The following MAP4K4 variants were observed in gnomAD, a reference collection of about 807,000 sequenced individuals.
The protein encoded by MAP4K4 is HPK/GCK-like kinase HGK.
MAP4K4 carries 38 observed loss-of-function variants against 189.6 expected under a neutral mutation model. The observed-to-expected ratio is 0.20, with a 90% confidence interval of 0.15 to 0.26. The LOEUF is 0.26. Ranked by LOEUF, MAP4K4 falls within the 10% of genes least tolerant of loss-of-function variation. The pLI, the probability that MAP4K4 is intolerant of heterozygous loss-of-function variation, is 1.00. For synonymous variants in MAP4K4, 610 were observed against 624.3 expected (o/e 0.98, Z 0.34); for missense variants, 1,054 against 1,726.9 (o/e 0.61, Z 6.91).
intron 7 of MAP4K4, 127 bp downstream of exon 7, chr2:101,831,978 A>C: frequency 8.9e-7 from 1 of 1,120,544 alleles, no homozygotes; most frequent in Non-Finnish European, 1.3e-6. Flanking sequence ...TCAGTGAGGA[A>C]AATTGCAGGT....
At chr2:101,838,296 T>C (rs535493033) in intron 9 of MAP4K4, among the ~76,000 whole-genome samples, 2 of 152,242 alleles carry the variant, frequency 1.3e-5, no homozygotes, top group Non-Finnish European at 2.9e-5. Flanking sequence ...TTTGTGGACA[T>C]TGGGTCTTAG....
intron 2 of MAP4K4, among the ~76,000 whole-genome samples, chr2:101,740,257 T>C (rs914627017): frequency 5.8e-5 from 6 of 102,588 alleles, no homozygotes; most frequent in East Asian, 4.8e-4. Flanking sequence ...GGGTTCACGC[T>C]ATTCTCCTGC....
intron 2 of MAP4K4, among the ~76,000 whole-genome samples, chr2:101,755,942 T>G (rs961299884): frequency 7.6e-6 from 1 of 130,764 alleles, no homozygotes; most frequent in Admixed American, 7.7e-5. Flanking sequence ...TTTTTTTTTT[T>G]TTTTTTTTTT....
At chr2:101,774,905 T>C (rs1016242663) in intron 2 of MAP4K4, among the ~76,000 whole-genome samples, 1 of 152,058 alleles carries the variant, frequency 6.6e-6, no homozygotes, top group Non-Finnish European at 1.5e-5. Flanking sequence ...CCCGAAGGAC[T>C]TCTCCAGAGG....
Position 101,843,993 on chromosome 2 carries a change from G to A in MAP4K4, c.1023-108G>A, listed in dbSNP as rs2097008349. 3 of 701,894 alleles carry A rather than the reference G, an allele frequency of 4.3e-6. No individual in the cohort carries two copies. The South Asian group carries it at 5.5e-5, about 13-fold the overall frequency. The allele number at this position is 701,894 out of a possible 1,614,324, so 43.5% of individuals were successfully genotyped here. On this transcript the variant is annotated intron_variant, in intron 11 of 32. Transcript: ENST00000324219. ...ATTAGTTGTCTCCCTGGAGTCAGAG[G>A]AACTCAGAGAATGAATGTAGAAATG...
intron 2 of MAP4K4, among the ~76,000 whole-genome samples, chr2:101,742,000 A>C (rs1001785521): frequency 6.6e-6 from 1 of 152,028 alleles, no homozygotes; most frequent in Non-Finnish European, 1.5e-5. Context: ...TGGTTTAGTG[A>C]GGGGTCTAAG....
chr2:101,842,086 G>T (rs1028049875), intron 10 of MAP4K4, among the ~76,000 whole-genome samples: 2 of 152,098 alleles, frequency 1.3e-5, no homozygotes, highest in African/African-American at 2.4e-5. Flanking sequence ...TTGTTTGTGG[G>T]TACATTTGGC....
At chr2:101,822,251 G>T (rs1281766670) in intron 3 of MAP4K4, among the ~76,000 whole-genome samples, 3 of 152,128 alleles carry the variant, frequency 2.0e-5, no homozygotes, top group Non-Finnish European at 4.4e-5. Flanking sequence ...TGGCTGTGCG[G>T]CAGGTTAGTT....
Position 101,887,107 on chromosome 2 carries a change from A to C in MAP4K4, c.3641A>C (p.His1214Pro). ...TTGCAGTCATTTGGAGAATTGGTAC[A>C]TAAGCCATTACTGGTGGATCTCACT... The change falls in exon 30 of 33, where the codon CAT becomes CCT. Residue 1214 changes from histidine (H) to proline (P), a missense_variant. Coordinates refer to ENST00000324219, the Ensembl canonical transcript of MAP4K4. 1.9e-6 allele frequency: 3 copies of C among 1,592,724 alleles called. No homozygotes were observed. Among genetic ancestry groups the C allele is most frequent in the Non-Finnish European group, 2.6e-6 (3 of 1,169,550 alleles).
intron 2 of MAP4K4, among the ~76,000 whole-genome samples, chr2:101,763,962 CTG>C (rs1201857541): frequency 1.3e-5 from 2 of 151,784 alleles, no homozygotes; most frequent in African/African-American, 4.8e-5. Context: ...TGCAGTGTGG[CTG>C]TATGATTTTG....
At chr2:101,704,772 C>T (rs1377408574) in intron 2 of MAP4K4, among the ~76,000 whole-genome samples, 2 of 151,136 alleles carry the variant, frequency 1.3e-5, no homozygotes, top group East Asian at 1.9e-4. Context: ...ATTGGCCAGG[C>T]TGGTCTCGAA....
chr2:101,814,961 C>G (rs548701065), intron 3 of MAP4K4, among the ~76,000 whole-genome samples: 1 of 152,308 alleles, frequency 6.6e-6, no homozygotes, highest in Admixed American at 6.5e-5. Context: ...AGTCACTGAG[C>G]TGTGTAAATA....
intron 25 of MAP4K4, 34 bp downstream of exon 25, chr2:101,873,798 A>G (rs1347773986): frequency 6.9e-6 from 10 of 1,446,046 alleles, no homozygotes; most frequent in Non-Finnish European, 9.7e-6. Context: ...GCAGCTGACA[A>G]ATGGGACTTT....
Position 101,871,577 on chromosome 2 carries a change from GC to G in MAP4K4, c.2845del (p.Gln949LysfsTer57). 6.5e-7 allele frequency: 1 copy of G among 1,536,280 alleles called. No homozygotes were observed. The highest frequency in any genetic ancestry group is 8.7e-7 in the Non-Finnish European group (1 of 1,146,908). On this transcript the variant is annotated frameshift_variant, in exon 24 of 33. Coordinates refer to ENST00000324219, the Ensembl canonical transcript of MAP4K4. LOFTEE classifies it high-confidence loss of function. ...TTCACCTCTTGCCAGATCTCTTACA[GC>G]AAAGCCATTCCTCCTCCACTTCCTC...
intron 13 of MAP4K4, among the ~76,000 whole-genome samples, chr2:101,857,657 C>G (rs1229868312): frequency 1.3e-5 from 2 of 152,154 alleles, no homozygotes; most frequent in Non-Finnish European, 2.9e-5. Context: ...GACGTAGATC[C>G]CAGGTCAGAA....
At chr2:101,739,719 A>C (rs1050388638) in intron 2 of MAP4K4, among the ~76,000 whole-genome samples, 2 of 152,298 alleles carry the variant, frequency 1.3e-5, no homozygotes, top group Middle Eastern at 6.8e-3. Flanking sequence ...TTTAAATTCA[A>C]CTCCAGAAAT....
intron 2 of MAP4K4, among the ~76,000 whole-genome samples, chr2:101,739,872 C>T (rs1235885291): frequency 2.0e-5 from 3 of 152,158 alleles, no homozygotes; most frequent in African/African-American, 4.8e-5. Context: ...ATAAATGAGA[C>T]GGACTTTATA....
chr2:101,749,837 A>G (rs1173716822), intron 2 of MAP4K4, among the ~76,000 whole-genome samples: 1 of 129,424 alleles, frequency 7.7e-6, no homozygotes, highest in Non-Finnish European at 1.5e-5. Flanking sequence ...AACCCCATCA[A>G]AAAGTGGGCG....
intron 2 of MAP4K4, among the ~76,000 whole-genome samples, chr2:101,721,617 G>A (rs1308392408): frequency 1.3e-5 from 2 of 152,020 alleles, no homozygotes; most frequent in Non-Finnish European, 2.9e-5. Context: ...TGTATTTTTA[G>A]TAGAGACAGG....
Sources: allele counts gnomAD v4.1 joint callset (sites outside exome capture counted in the v4.1 genomes callset), GRCh38; gene constraint gnomAD v4.1.1; transcripts MANE v1.5; gene names NCBI Gene and HGNC (gene_info 2026-07-23, HGNC 2026-07-21).